The following B4GALNT2 variants were observed in gnomAD, a reference collection of about 807,000 sequenced individuals.
B4GALNT2 encodes beta-1,4-N-acetyl-galactosaminyltransferase 2 (SID blood group), also known as N-acetylneuraminylgalactosylglucosyl-glucoside beta-1,4-N- acetylgalactosaminyltransferase 2.
Under a neutral mutation model 51.1 loss-of-function variants are expected in B4GALNT2, and 42 were observed. That is an observed-to-expected ratio of 0.82 (90% CI 0.64 to 1.06). B4GALNT2 has a LOEUF of 1.06. B4GALNT2 is among the 50% of genes least tolerant of loss of function. The pLI is 0.00. For missense variants in B4GALNT2, 602 were observed against 633.6 expected (o/e 0.95, Z 0.54); for synonymous variants, 253 against 251.7 (o/e 1.01, Z -0.05).
Position 49,164,355 on chromosome 17 carries a change from C to T in B4GALNT2, c.954+80C>T, listed in dbSNP as rs567414696. On this transcript the variant is annotated intron_variant, in intron 8 of 10. Transcript: ENST00000393354. ...GGTCAGGTTCTACCCTGGATGGGGC[C>T]GCTTCCTCAAGGGTCTTCCCAAGAA... 7.6e-5 allele frequency: 102 copies of T among 1,337,364 alleles called. 1 individual carries two copies. Among genetic ancestry groups the T allele is most frequent in the Middle Eastern group, 4.1e-4 (2 of 4,836 alleles). 82.8% of individuals were successfully genotyped at this position (1,337,364 alleles called of 1,614,324 possible).
At position 49,169,892 on chromosome 17, in the gene B4GALNT2, T is replaced by C; in HGVS notation, c.*164T>C. The C allele has an allele frequency of 1.6e-6, 1 of 639,864 alleles. No individual in the cohort carries two copies. Among genetic ancestry groups the C allele is most frequent in the Non-Finnish European group, 2.5e-6 (1 of 394,526 alleles). The allele number at this position is 639,864 out of a possible 1,614,324, so 39.6% of individuals were successfully genotyped here. On this transcript the variant is annotated 3_prime_UTR_variant, in exon 11 of 11. Transcript: ENST00000393354. ...GGAAGTACCAATCAAAGGTGAAGGGTCACTGGAAATGAACCAGTCACTGAC... is the reference window on the plus strand; with the variant it reads ...GGAAGTACCAATCAAAGGTGAAGGGCCACTGGAAATGAACCAGTCACTGAC...
chr17:49,164,819 A>AT (rs1033044693), intron 8 of B4GALNT2, among the ~76,000 whole-genome samples: 16 of 126,794 alleles, frequency 1.3e-4, no homozygotes, highest in African/African-American at 3.2e-4. Context: ...TTTATTTTTC[A>AT]TTTTTTTTGA....
intron 5 of B4GALNT2, 79 bp from the exon 6 acceptor site, chr17:49,158,958 G>C (rs890210892): frequency 6.7e-7 from 1 of 1,498,212 alleles, no homozygotes; most frequent in African/African-American, 1.4e-5. Flanking sequence ...CTGGCTCCTG[G>C]CCTGGGTATG....
chr17:49,126,951 G>C, the B4GALNT2 span, among the ~76,000 whole-genome samples: 1 of 151,882 alleles, frequency 6.6e-6, no homozygotes, highest in East Asian at 1.9e-4. Context: ...TGAACCACCC[G>C]CCTTGGCCTC....
chr17:49,140,302 A>G (rs561030429), intron 1 of B4GALNT2, among the ~76,000 whole-genome samples: 58 of 152,068 alleles, frequency 3.8e-4, no homozygotes, highest in African/African-American at 1.3e-3. Context: ...GGGTTTCACC[A>G]TGTTAGCCAG....
chr17:49,137,132 A>G (rs530567606), intron 1 of B4GALNT2, among the ~76,000 whole-genome samples: 66 of 152,290 alleles, frequency 4.3e-4, no homozygotes, highest in African/African-American at 1.5e-3. Flanking sequence ...AAATAACTGT[A>G]AACAACTTCC....
intron 3 of B4GALNT2, among the ~76,000 whole-genome samples, chr17:49,151,677 C>T (rs1393806389): frequency 1.3e-5 from 2 of 150,350 alleles, no homozygotes; most frequent in Non-Finnish European, 3.0e-5. Flanking sequence ...ACCCAGGAGG[C>T]AGAGGTTGCA....
rs968867304 is a variant in B4GALNT2, at chr17:49,176,243, G to C, written c.*6515G>C. 1 of 152,206 alleles carries C rather than the reference G, an allele frequency of 6.6e-6. No homozygotes were observed. Among genetic ancestry groups the C allele is most frequent in the Non-Finnish European group, 1.5e-5 (1 of 68,044 alleles). 9.4% of individuals were successfully genotyped at this position (152,206 alleles called of 1,614,324 possible). Reference sequence around the variant, plus strand: ...GTCTTGGAGACCCTAACCCAGCGGCGCTAGAGGAATTAAAGACACACACAC... The same window carrying C: ...GTCTTGGAGACCCTAACCCAGCGGCCCTAGAGGAATTAAAGACACACACAC... On this transcript the variant is annotated 3_prime_UTR_variant, in exon 11 of 11. Transcript: ENST00000393354.
chr17:49,159,619 C>T (rs534506142), intron 6 of B4GALNT2, among the ~76,000 whole-genome samples: 182 of 152,286 alleles, frequency 1.2e-3, no homozygotes, highest in Admixed American at 5.5e-3. Flanking sequence ...GGATTACAGG[C>T]GTGAGCTACA....
intron 1 of B4GALNT2, among the ~76,000 whole-genome samples, chr17:49,140,410 A>G (rs1212279074): frequency 1.3e-5 from 2 of 152,128 alleles, no homozygotes; most frequent in African/African-American, 2.4e-5. Flanking sequence ...TATGTGGCCA[A>G]TTTTTATAAA....
At chr17:49,144,771 G>A (rs2042677375) in intron 3 of B4GALNT2, among the ~76,000 whole-genome samples, 1 of 152,086 alleles carries the variant, frequency 6.6e-6, no homozygotes, top group Admixed American at 6.5e-5. Flanking sequence ...AACTAACAGG[G>A]GGGAGAGAGA....
At chr17:49,147,950 T>C (rs971141677) in intron 3 of B4GALNT2, among the ~76,000 whole-genome samples, 1 of 140,112 alleles carries the variant, frequency 7.1e-6, no homozygotes, top group Non-Finnish European at 1.5e-5. Flanking sequence ...ACTCTGAAAT[T>C]TGTTTTTTTA....
intron 9 of B4GALNT2, among the ~76,000 whole-genome samples, chr17:49,168,403 T>C (rs1395286997): frequency 6.6e-6 from 1 of 152,176 alleles, no homozygotes; most frequent in Non-Finnish European, 1.5e-5. Flanking sequence ...TATCTTCTTC[T>C]GGAAAGATAA....
intron 3 of B4GALNT2, among the ~76,000 whole-genome samples, chr17:49,146,287 G>A (rs770803622): frequency 6.6e-6 from 1 of 152,094 alleles, no homozygotes; most frequent in Non-Finnish European, 1.5e-5. Context: ...AATTCCATGA[G>A]CATGAATCCA....
At chr17:49,131,088 T>G (rs1443055896), upstream of B4GALNT2, among the ~76,000 whole-genome samples, 1 of 152,178 alleles carries the variant, frequency 6.6e-6, no homozygotes, top group Non-Finnish European at 1.5e-5. Context: ...ATGAAAGATC[T>G]CATAGGCTCA....
intron 4 of B4GALNT2, among the ~76,000 whole-genome samples, chr17:49,154,465 T>G (rs1207671891): frequency 6.6e-6 from 1 of 151,952 alleles, no homozygotes; most frequent in Non-Finnish European, 1.5e-5. Flanking sequence ...CCCCTCCCAG[T>G]GCAGAGATGT....
At chr17:49,120,484 C>CTG in the B4GALNT2 span, among the ~76,000 whole-genome samples, 2,665 of 144,142 alleles carry the variant, frequency 0.018, 35 homozygotes, top group Middle Eastern at 0.028. Flanking sequence ...GTGTGTGTGT[C>CTG]TGTGTGTGTG....
the B4GALNT2 span, among the ~76,000 whole-genome samples, chr17:49,120,989 AT>A: frequency 6.6e-6 from 1 of 152,126 alleles, no homozygotes; most frequent in Non-Finnish European, 1.5e-5. Context: ...TTTCCTTGAG[AT>A]TATGACAAGC....
Position 49,168,595 on chromosome 17 carries a change from G to A in B4GALNT2, c.1096-86G>A, listed in dbSNP as rs1378430645. The A allele has an allele frequency of 2.4e-5, 29 of 1,233,708 alleles. 1 individual carries two copies. Among genetic ancestry groups the A allele is most frequent in the East Asian group, 1.7e-4 (7 of 40,384 alleles). The allele number at this position is 1,233,708 out of a possible 1,614,324, so 76.4% of individuals were successfully genotyped here. On this transcript the variant is annotated intron_variant, in intron 9 of 10. Transcript: ENST00000393354. ...AGAAATAACAATTCTTGTTATAACC[G>A]AGGTGCAGTCCAGCGAGTCTTCCTG...
Sources: allele counts gnomAD v4.1 joint callset (sites outside exome capture counted in the v4.1 genomes callset), GRCh38; gene constraint gnomAD v4.1.1; transcripts MANE v1.5; gene names NCBI Gene and HGNC (gene_info 2026-07-23, HGNC 2026-07-21).